The following DOK5 variants were observed in gnomAD, a reference collection of about 807,000 sequenced individuals.
The protein encoded by DOK5 is downstream of tyrosine kinase 5.
Under a neutral mutation model 43.3 loss-of-function variants are expected in DOK5, and 27 were observed. The ratio of observed to expected loss-of-function variants is 0.62; its 90% CI spans 0.46 to 0.86. The LOEUF is 0.86. Among genes scored for constraint, DOK5 ranks in the 40% least tolerant of loss-of-function variants. The probability of loss-of-function intolerance (pLI) is 0.00; values close to 1 mark genes in which losing one functional copy is unlikely to be tolerated. For synonymous variants in DOK5, 146 were observed against 140.1 expected (o/e 1.04, Z -0.30); for missense variants, 373 against 392.9 (o/e 0.95, Z 0.43).
intron 1 of DOK5, among the ~76,000 whole-genome samples, chr20:54,501,141 G>T (rs368023295): frequency 1.3e-5 from 2 of 151,986 alleles, no homozygotes; most frequent in Admixed American, 6.5e-5. Flanking sequence ...TATGGGCTAC[G>T]ATTTACATTA....
rs778223026 is a variant in DOK5, at chr20:54,610,491, G to A, written c.703G>A (p.Glu235Lys). The stretch of plus-strand genomic sequence containing the variant: ...TGCCTTGGCCATAGCCGAGCAGCAC[G>A]AGCGCTTGCTACAGAGTGTGAAAAA... Reference protein sequence around the residue: ...SAALAIAEQHERLLQSVKNSM... With the variant: ...SAALAIAEQHKRLLQSVKNSM... Residue 235 changes from glutamate to lysine, a missense_variant, in exon 6 of 8, where the codon GAG becomes AAG. Physicochemically the swap from Glu to Lys is moderately conservative, Grantham distance 56. Transcript: ENST00000262593. 3.9e-6 allele frequency: 6 copies of A among 1,553,602 alleles called. No individual in the cohort carries two copies. The highest frequency in any genetic ancestry group is 2.0e-5 in the Admixed American group (1 of 49,776).
chr20:54,517,479 C>T (rs1600675347), intron 1 of DOK5, among the ~76,000 whole-genome samples: 1 of 152,022 alleles, frequency 6.6e-6, no homozygotes, highest in South Asian at 2.1e-4. Flanking sequence ...GCTGACTTTG[C>T]CATTTGTAAG....
intron 5 of DOK5, among the ~76,000 whole-genome samples, chr20:54,593,505 T>C (rs1158950631): frequency 6.6e-6 from 1 of 152,162 alleles, no homozygotes; most frequent in Non-Finnish European, 1.5e-5. Context: ...GTTCTTATTT[T>C]GTGAGAATTA....
intron 5 of DOK5, among the ~76,000 whole-genome samples, chr20:54,598,899 TA>T (rs1277684012): frequency 6.6e-6 from 1 of 152,212 alleles, no homozygotes; most frequent in Non-Finnish European, 1.5e-5. Context: ...TATTTCACCC[TA>T]AAACCAGCCT....
chr20:54,568,321 A>G (rs1457539959), intron 2 of DOK5, among the ~76,000 whole-genome samples: 1 of 152,220 alleles, frequency 6.6e-6, no homozygotes, highest in African/African-American at 2.4e-5. Flanking sequence ...CTAAGATACA[A>G]TCTATCCAGT....
At chr20:54,482,021 A>G (rs1015969636) in intron 1 of DOK5, among the ~76,000 whole-genome samples, 1 of 152,366 alleles carries the variant, frequency 6.6e-6, no homozygotes, top group Non-Finnish European at 1.5e-5. Context: ...GCAATTGTTC[A>G]TATCCTCAAA....
At chr20:54,626,617 C>G (rs750567825) in intron 6 of DOK5, among the ~76,000 whole-genome samples, 1 of 152,148 alleles carries the variant, frequency 6.6e-6, no homozygotes, top group Non-Finnish European at 1.5e-5. Flanking sequence ...TTCACATGTA[C>G]CTTTCCATGT....
At chr20:54,604,699 T>C (rs6023407) in intron 5 of DOK5, among the ~76,000 whole-genome samples, 70,936 of 151,994 alleles carry the variant, frequency 0.47, 21,557 homozygotes, top group African/African-American at 0.85. Flanking sequence ...AAAGAAAAGC[T>C]TACCTTAAAT....
intron 2 of DOK5, among the ~76,000 whole-genome samples, chr20:54,574,633 T>C (rs1600711681): frequency 2.0e-5 from 3 of 152,294 alleles, no homozygotes; most frequent in Admixed American, 2.0e-4. Flanking sequence ...CTAGTAATAA[T>C]CTGGATCTCT....
At chr20:54,501,081 G>C (rs1489127256) in intron 1 of DOK5, among the ~76,000 whole-genome samples, 1 of 152,128 alleles carries the variant, frequency 6.6e-6, no homozygotes, top group Non-Finnish European at 1.5e-5. Context: ...TGAAGTTAGA[G>C]AGTTTGAATA....
chr20:54,499,479 A>G (rs1982513948), intron 1 of DOK5, among the ~76,000 whole-genome samples: 1 of 152,180 alleles, frequency 6.6e-6, no homozygotes, highest in South Asian at 2.1e-4. Flanking sequence ...TGGATGGATG[A>G]GGAAGTGTGG....
intron 1 of DOK5, among the ~76,000 whole-genome samples, chr20:54,521,188 T>A (rs968989494): frequency 1.3e-5 from 2 of 152,104 alleles, no homozygotes; most frequent in African/African-American, 2.4e-5. Flanking sequence ...GTGGTATCCT[T>A]TTTTTAATGA....
chr20:54,637,563 C>A (rs559794010), intron 6 of DOK5, among the ~76,000 whole-genome samples: 1 of 152,218 alleles, frequency 6.6e-6, no homozygotes, highest in South Asian at 2.1e-4. Context: ...ATGGCAAAGT[C>A]GAGTGAAGTA....
chr20:54,616,819 A>C (rs1986830170), intron 6 of DOK5, among the ~76,000 whole-genome samples: 1 of 119,590 alleles, frequency 8.4e-6, no homozygotes. Context: ...AAGGAGTCTC[A>C]CTCTGTCGCC....
intron 1 of DOK5, among the ~76,000 whole-genome samples, chr20:54,506,869 G>A (rs1263838600): frequency 2.0e-5 from 3 of 152,184 alleles, no homozygotes; most frequent in Non-Finnish European, 4.4e-5. Flanking sequence ...GATCATACGC[G>A]AGGTCACTGC....
At chr20:54,530,544 T>A (rs1183876419) in intron 1 of DOK5, among the ~76,000 whole-genome samples, 1 of 152,166 alleles carries the variant, frequency 6.6e-6, no homozygotes, top group African/African-American at 2.4e-5. Flanking sequence ...TAACCAAGCC[T>A]CCTCTTCTCT....
intron 1 of DOK5, among the ~76,000 whole-genome samples, chr20:54,528,885 A>G (rs1983669692): frequency 6.6e-6 from 1 of 152,228 alleles, no homozygotes; most frequent in African/African-American, 2.4e-5. Flanking sequence ...TTTAAAGAAG[A>G]AATGAAAACC....
At chr20:54,576,318 T>G (rs1985450619) in intron 2 of DOK5, among the ~76,000 whole-genome samples, 1 of 152,164 alleles carries the variant, frequency 6.6e-6, no homozygotes, top group Admixed American at 6.5e-5. Context: ...GTCATTCACA[T>G]AGAAGACTAC....
chr20:54,532,308 C>G (rs1983803573), intron 1 of DOK5, among the ~76,000 whole-genome samples: 1 of 152,184 alleles, frequency 6.6e-6, no homozygotes, highest in African/African-American at 2.4e-5. Flanking sequence ...TGCTCGTGGG[C>G]AGGTGGGCTC....
Sources: allele counts gnomAD v4.1 joint callset (sites outside exome capture counted in the v4.1 genomes callset), GRCh38; gene constraint gnomAD v4.1.1; transcripts MANE v1.5; gene names NCBI Gene and HGNC (gene_info 2026-07-23, HGNC 2026-07-21).